The following FRMD7 variants were observed in gnomAD, a reference collection of about 807,000 sequenced individuals.
The protein encoded by FRMD7 is FERM domain containing 7, also known as FERM domain-containing protein 7.
In FRMD7, 14 loss-of-function variants were observed where a neutral mutation model predicts 44.1. The ratio of observed to expected loss-of-function variants is 0.32; its 90% confidence interval spans 0.21 to 0.50. The LOEUF is 0.50. Ranked by LOEUF, FRMD7 falls within the 20% of genes least tolerant of loss-of-function variation. The pLI, the probability that FRMD7 is intolerant of heterozygous loss-of-function variation, is 0.99. For synonymous variants in FRMD7, 212 were observed against 187.4 expected (o/e 1.13, Z -1.07); for missense variants, 501 against 522.3 (o/e 0.96, Z 0.40).
intron 1 of FRMD7, among the ~76,000 whole-genome samples, chrX:132,121,728 G>A (rs1450732239): frequency 9.0e-6 from 1 of 111,485 alleles, no homozygotes; most frequent in Non-Finnish European, 1.9e-5. Context: ...AATGCTATTT[G>A]TGATTATTAT....
chrX:132,089,033 A>T (rs1218521525), intron 5 of FRMD7, among the ~76,000 whole-genome samples: 1 of 112,262 alleles, frequency 8.9e-6, no homozygotes, highest in Non-Finnish European at 1.9e-5. Flanking sequence ...ATCTCAGAAT[A>T]ACCAAACTAT....
At chrX:132,084,886 A>G (rs971090921) in intron 7 of FRMD7, among the ~76,000 whole-genome samples, 2 of 111,384 alleles carry the variant, frequency 1.8e-5, no homozygotes, top group Admixed American at 9.6e-5. Flanking sequence ...CCCCTTTCCC[A>G]TGTTTCCCGA....
chrX:132,101,835 AG>A (rs1420178674), intron 1 of FRMD7, among the ~76,000 whole-genome samples: 1 of 111,434 alleles, frequency 9.0e-6, no homozygotes, highest in African/African-American at 3.3e-5. Context: ...AATTTCTTTG[AG>A]CTGAGTATGG....
chrX:132,078,678 G>C lies in FRMD7; in HGVS notation c.1339C>G (p.Gln447Glu). 2 of 1,211,737 alleles carry C rather than the reference G, an allele frequency of 1.7e-6. No individual in the cohort carries two copies. The highest frequency in any genetic ancestry group is 3.5e-5 in the South Asian group (2 of 56,994). Residue 447 changes from glutamine to glutamate, a missense_variant, in exon 12 of 12, where the codon CAA becomes GAA. Physicochemically the swap from Gln to Glu is conservative, Grantham distance 29 (BLOSUM62 2). This residue lies in a region of FRMD7 where 453 missense variants were observed against 452.7 expected (regional missense o/e 1.00). Coordinates refer to ENST00000298542, the MANE Select transcript of FRMD7 (RefSeq NM_194277.3). Reference protein sequence around the residue: ...FSERSSLSSFQTSCKFSGNHM... With the variant: ...FSERSSLSSFETSCKFSGNHM... The stretch of plus-strand genomic sequence containing the variant: ...TTACCAGAAAACTTACAGCTTGTTT[G>C]GAAGGAGCTTAGAGAACTCCTCTCT...
At chrX:132,079,004 G>A in intron 11 of FRMD7, 38 bp from the exon 12 acceptor site, 1 of 1,147,953 alleles carries the variant, frequency 8.7e-7, no homozygotes. Flanking sequence ...GAAGGAAAAG[G>A]CCATTTGGTT....
intron 1 of FRMD7, among the ~76,000 whole-genome samples, chrX:132,104,839 A>G (rs1928604683): frequency 1.8e-5 from 2 of 112,712 alleles, no homozygotes; most frequent in Admixed American, 1.9e-4. Context: ...ACTAATGATT[A>G]TGTTCTTGAA....
At chrX:132,080,111 A>C (rs111377071) in intron 10 of FRMD7, 30 bp from the exon 11 acceptor site, 1 of 1,131,030 alleles carries the variant, frequency 8.8e-7, no homozygotes, top group South Asian at 1.8e-5. Flanking sequence ...AAGTCATTGA[A>C]ATGACCTTCA....
At chrX:132,121,231 A>T (rs1035319309) in intron 1 of FRMD7, among the ~76,000 whole-genome samples, 1 of 111,873 alleles carries the variant, frequency 8.9e-6, no homozygotes, top group Non-Finnish European at 1.9e-5. Flanking sequence ...CTACCATCTA[A>T]TCAATGTCCA....
At chrX:132,113,937 C>T (rs866480581) in intron 1 of FRMD7, among the ~76,000 whole-genome samples, 1 of 76,463 alleles carries the variant, frequency 1.3e-5, no homozygotes, top group South Asian at 1.2e-3. Context: ...AAGTCTCCAA[C>T]CCCCCACTAC....
chrX:132,117,671 A>G (rs1222320079), intron 1 of FRMD7, among the ~76,000 whole-genome samples: 1 of 112,183 alleles, frequency 8.9e-6, no homozygotes, highest in Non-Finnish European at 1.9e-5. Context: ...TAAGGATCAC[A>G]GAGTAAAGCT....
At chrX:132,091,670 C>CA (rs35822147) in intron 5 of FRMD7, among the ~76,000 whole-genome samples, 9,768 of 48,056 alleles carry the variant, frequency 0.2, 590 homozygotes, top group Middle Eastern at 0.28. Context: ...ACTAAAAATA[C>CA]AAAAAAAAAA....
chrX:132,113,098 A>G (rs761164395), intron 1 of FRMD7, among the ~76,000 whole-genome samples: 6 of 111,423 alleles, frequency 5.4e-5, no homozygotes, highest in African/African-American at 9.8e-5. Flanking sequence ...AATTGGAAAG[A>G]CTGTTGAAAA....
chrX:132,107,618 A>G (rs1928679219), intron 1 of FRMD7, among the ~76,000 whole-genome samples: 1 of 109,094 alleles, frequency 9.2e-6, no homozygotes, highest in Non-Finnish European at 1.9e-5. Context: ...AGAGAGAGAG[A>G]GAGAGAGAGA....
At chrX:132,091,514 C>T (rs748228722) in intron 5 of FRMD7, among the ~76,000 whole-genome samples, 2 of 111,361 alleles carry the variant, frequency 1.8e-5, no homozygotes, top group Admixed American at 9.6e-5. Context: ...TAAGCCTACC[C>T]TGTCCACCTT....
intron 6 of FRMD7, 82 bp downstream of exon 6, chrX:132,085,838 T>C: frequency 2.9e-6 from 3 of 1,030,569 alleles, no homozygotes; most frequent in Non-Finnish European, 4.1e-6. Context: ...ACTTCTCAGG[T>C]TTAAGGGCTT....
chrX:132,092,368 T>C (rs1250229961), intron 5 of FRMD7, among the ~76,000 whole-genome samples: 1 of 111,626 alleles, frequency 9.0e-6, no homozygotes, highest in African/African-American at 3.3e-5. Context: ...GACAAATAAA[T>C]GTGGAGGTTC....
chrX:132,078,748 A>G lies in FRMD7; in HGVS notation c.1269T>C (p.Phe423=). Reference sequence around the variant, plus strand: ...CAGGGTTAGGATTGGGCTCAGTGTTAAAGACAGGGTCCATATAAATAAAAG... The same window carrying G: ...CAGGGTTAGGATTGGGCTCAGTGTTGAAGACAGGGTCCATATAAATAAAAG... The part of the protein sequence containing the change: ...SFPFIYMDPV[F]NTEPNPNPDP... Residue 423 remains phenylalanine (F), a synonymous_variant, in exon 12 of 12, where the codon TTT becomes TTC. Transcript: ENST00000298542. 8.3e-7 allele frequency: 1 copy of G among 1,210,646 alleles called. No individual in the cohort carries two copies. The highest frequency in any genetic ancestry group is 1.1e-6 in the Non-Finnish European group (1 of 894,436).
chrX:132,101,601 C>T (rs180978372), intron 1 of FRMD7, among the ~76,000 whole-genome samples: 1 of 112,346 alleles, frequency 8.9e-6, no homozygotes, highest in Non-Finnish European at 1.9e-5. Context: ...GTACTGGGCT[C>T]CTGAATGTTT....
chrX:132,077,700 A>T lies in FRMD7; in HGVS notation c.*172T>A. 3.0e-6 allele frequency: 2 copies of T among 657,459 alleles called. No individual in the cohort carries two copies. Among genetic ancestry groups the T allele is most frequent in the Non-Finnish European group, 4.6e-6 (2 of 437,688 alleles). The allele number at this position is 657,459 out of a possible 1,213,427, so 54.2% of individuals were successfully genotyped here. A position where few individuals can be genotyped will look rare whatever the true frequency, so the allele number is the denominator to read the frequency against. On this transcript the variant is annotated 3_prime_UTR_variant, in exon 12 of 12. Coordinates refer to ENST00000298542, the MANE Select transcript of FRMD7 (RefSeq NM_194277.3). ...CCTTCAGAGGTAATGGAAGAGTGAA[A>T]CTCAAGGAATGAGGCAACAGCTGGA... is the stretch of plus-strand genomic sequence containing the variant.
Sources: gnomAD v4.1 joint callset for allele counts (sites outside exome capture counted in the v4.1 genomes callset) on GRCh38, gnomAD v4.1.1 for gene constraint, gnomAD v4.1.1 regional missense constraint, MANE v1.5 for transcripts, NCBI Gene and HGNC (gene_info 2026-07-23, HGNC 2026-07-21) for gene names.